The following MSH6 variants were observed in gnomAD, a reference collection of about 807,000 sequenced individuals.
MSH6 encodes the protein mutS homolog 6, also known as DNA mismatch repair protein Msh6.
A neutral mutation model predicts 119.1 loss-of-function variants in MSH6; 85 were observed. The ratio of observed to expected loss-of-function variants is 0.71; its 90% CI spans 0.60 to 0.85. The LOEUF is 0.85. Ranked by LOEUF, MSH6 falls within the 40% of genes least tolerant of loss-of-function variation. The pLI is 0.00. For synonymous variants in MSH6, 830 were observed against 586.9 expected (o/e 1.41, Z -5.99); for missense variants, 2,163 against 1,655.3 (o/e 1.31, Z -5.32).
chr2:47,783,271 A>G lies in MSH6; in HGVS notation c.38A>G (p.Lys13Arg), dbSNP rs41294988. The change falls in exon 1 of 10, where the codon AAG becomes AGG. Residue 13 changes from lysine to arginine, a missense_variant. By Grantham distance (26) the Lys-to-Arg change is conservative. Transcript: ENST00000234420. ...RQSTLYSFFP[K>R]SPALSDANKA... ...AGCACCCTGTACAGCTTCTTCCCCA[A>G]GTCTCCGGCGCTGAGTGATGCCAAC... 2.5e-6 allele frequency: 4 copies of G among 1,612,056 alleles called. No individual in the cohort carries two copies. Among genetic ancestry groups the G allele is most frequent in the African/African-American group, 1.3e-5 (1 of 74,774 alleles).
intron 2 of MSH6, among the ~76,000 whole-genome samples, chr2:47,791,380 G>C (rs569370597): frequency 6.6e-6 from 1 of 152,190 alleles, no homozygotes; most frequent in East Asian, 1.9e-4. Flanking sequence ...CCCTTAATAA[G>C]GGTAAACTAA....
chr2:47,784,422 C>A, intron 1 of MSH6: 1 of 197,794 alleles, frequency 5.1e-6, no homozygotes, highest in Non-Finnish European at 9.0e-6. Flanking sequence ...TCCGGGGAAG[C>A]CTGTCGGGAG....
At chr2:47,798,268 G>A (rs1285721858) in intron 3 of MSH6, among the ~76,000 whole-genome samples, 2 of 152,146 alleles carry the variant, frequency 1.3e-5, no homozygotes, top group Non-Finnish European at 2.9e-5. Context: ...AGTACAGATG[G>A]GGTTATCCCA....
At chr2:47,797,264 A>C (rs1374440404) in intron 3 of MSH6, among the ~76,000 whole-genome samples, 1 of 152,258 alleles carries the variant, frequency 6.6e-6, no homozygotes, top group African/African-American at 2.4e-5. Context: ...ACATTCATCT[A>C]TAACTAAGCT....
intron 1 of MSH6, among the ~76,000 whole-genome samples, chr2:47,787,010 T>C (rs1278027825): frequency 2.0e-5 from 3 of 152,224 alleles, no homozygotes; most frequent in Non-Finnish European, 4.4e-5. Context: ...GTGGTTAGTG[T>C]TTCTATAGGT....
chr2:47,808,750 T>TCAAA (rs553703717), downstream of MSH6: 51 of 303,604 alleles, frequency 1.7e-4, no homozygotes, highest in Admixed American at 1.2e-3. Flanking sequence ...CTGGGATATA[T>TCAAA]CAAACACTTA....
intron 6 of MSH6, among the ~76,000 whole-genome samples, chr2:47,805,416 G>A (rs998218344): frequency 1.3e-5 from 2 of 152,194 alleles, no homozygotes; most frequent in African/African-American, 4.8e-5. Context: ...GACCTCAGGT[G>A]ATCTGCTTGC....
intron 1 of MSH6, chr2:47,789,462 TA>T (rs765464556): frequency 3.7e-5 from 17 of 459,928 alleles, no homozygotes; most frequent in Admixed American, 3.4e-4. Context: ...TGGAAGACAT[TA>T]TTTTTTTAAT....
Position 47,799,552 on chromosome 2 carries a change from T to G in MSH6, c.1569T>G (p.Thr523=), listed in dbSNP as rs587779214. The change falls in exon 4 of 10, where the codon ACT becomes ACG. Residue 523 remains threonine, a synonymous_variant. Coordinates refer to ENST00000234420, the MANE Select transcript of MSH6 (RefSeq NM_000179.3). The part of the protein sequence containing the change: ...ICRIITKGTQ[T]YSVLEGDPSE... Reference sequence around the variant, plus strand: ...GGATCATTACCAAGGGTACACAGACTTACAGTGTGCTGGAAGGTGATCCCT... The same window carrying G: ...GGATCATTACCAAGGGTACACAGACGTACAGTGTGCTGGAAGGTGATCCCT... 4 of 1,614,122 alleles carry G rather than the reference T, an allele frequency of 2.5e-6. No homozygotes were observed. Among genetic ancestry groups the G allele is most frequent in the Non-Finnish European group, 3.4e-6 (4 of 1,180,016 alleles).
chr2:47,786,043 G>GC (rs1258657433), intron 1 of MSH6, among the ~76,000 whole-genome samples: 1 of 151,748 alleles, frequency 6.6e-6, no homozygotes, highest in Non-Finnish European at 1.5e-5. Context: ...ACAGGACAAA[G>GC]CAAAGAGGCA....
At chr2:47,795,787 T>C (rs1669043652) in intron 2 of MSH6, 107 bp from the exon 3 acceptor site, 3 of 926,670 alleles carry the variant, frequency 3.2e-6, no homozygotes, top group African/African-American at 1.7e-5. Flanking sequence ...TATTTTAAGA[T>C]AGAGATGGGG....
chr2:47,803,283 G>C (rs1347455245), intron 4 of MSH6, 137 bp from the exon 5 acceptor site: 4 of 1,189,376 alleles, frequency 3.4e-6, no homozygotes, highest in East Asian at 2.5e-5. Flanking sequence ...TAAGTATTTT[G>C]ATGGGGGAGA....
chr2:47,788,343 C>A (rs1668472131), intron 1 of MSH6, among the ~76,000 whole-genome samples: 1 of 145,028 alleles, frequency 6.9e-6, no homozygotes, highest in South Asian at 2.2e-4. Context: ...CAACCTCTGC[C>A]TTCCAGGTTC....
At chr2:47,807,968 G>C (rs1572753265), downstream of MSH6, 2 of 698,060 alleles carry the variant, frequency 2.9e-6, no homozygotes, top group Non-Finnish European at 2.4e-6. Flanking sequence ...CTTTTTGGTA[G>C]CTTGAGCTTC....
At chr2:47,801,361 G>GTTTTTTGTTTTT (rs1669577305) in intron 4 of MSH6, 1 of 84,402 alleles carries the variant, frequency 1.2e-5, no homozygotes, top group Admixed American at 2.5e-4. Context: ...CCTTTCTTCA[G>GTTTTTTGTTTTT]TTTTTTTTTT....
At position 47,799,830 on chromosome 2, in the gene MSH6, C is replaced by A. The variant is rs772363120; in HGVS notation, c.1847C>A (p.Ser616Tyr). The change falls in exon 4 of 10, where the codon TCT becomes TAT. Residue 616 changes from serine (S) to tyrosine (Y), a missense_variant. Transcript: ENST00000234420. ...KTILKSSLSC[S>Y]LQEGLIPGSQ... is the part of the protein sequence containing the mutation. ...ATTCTAAAGAGTTCATTGTCCTGTT[C>A]TCTTCAGGAAGGTCTGATACCCGGC... The A allele has an allele frequency of 6.2e-7, 1 of 1,614,120 alleles. No homozygotes were observed. Among genetic ancestry groups the A allele is most frequent in the African/African-American group, 1.3e-5 (1 of 74,944 alleles).
intron 9 of MSH6, 37 bp from the exon 10 acceptor site, chr2:47,806,742 A>C (rs2104573586): frequency 1.3e-6 from 2 of 1,554,644 alleles, no homozygotes; most frequent in Non-Finnish European, 1.7e-6. Context: ...CTATGAAAAA[A>C]CAAAAAAACT....
chr2:47,806,709 G>T, intron 9 of MSH6, 58 bp downstream of exon 9: 3 of 1,549,962 alleles, frequency 1.9e-6, no homozygotes, highest in Non-Finnish European at 2.7e-6. Flanking sequence ...CAAAGAAACA[G>T]TAAAAGGGGA....
rs1558664035 is a variant in MSH6 at position 47,800,022 on chromosome 2, C to T, written c.2039C>T (p.Ala680Val). The T allele has an allele frequency of 2.5e-6, 4 of 1,614,026 alleles. No homozygotes were observed. Among genetic ancestry groups the T allele is most frequent in the Middle Eastern group, 1.6e-4 (1 of 6,062 alleles). The change falls in exon 4 of 10, where the codon GCC becomes GTC. Residue 680 changes from alanine (A) to valine (V), a missense_variant. By Grantham distance (64) the Ala-to-Val change is moderately conservative. Transcript: ENST00000234420. The stretch of plus-strand genomic sequence containing the variant: ...ACACCAGGAGAGAAAAGTGAATTGG[C>T]CCTCTCTGCTCTAGGTGGTTGTGTC... The part of the protein sequence containing the change: ...GLTPGEKSEL[A>V]LSALGGCVFY...
Sources: allele counts gnomAD v4.1 joint callset (sites outside exome capture counted in the v4.1 genomes callset), GRCh38; gene constraint gnomAD v4.1.1; transcripts MANE v1.5; gene names NCBI Gene and HGNC (gene_info 2026-07-23, HGNC 2026-07-21).